CNTNAP5: variants seen among roughly 807,000 people sequenced by gnomAD.
CNTNAP5 encodes the protein contactin associated protein family member 5.
In CNTNAP5, 72 loss-of-function variants were observed where a neutral mutation model predicts 150.2. That is an observed-to-expected ratio of 0.48 (90% CI 0.40 to 0.58). The LOEUF (loss-of-function observed/expected upper bound fraction) is 0.58. CNTNAP5 is among the 20% of genes least tolerant of loss of function. The probability of loss-of-function intolerance (pLI) is 0.00; values close to 1 mark genes in which losing one functional copy is unlikely to be tolerated. For synonymous variants in CNTNAP5, 672 were observed against 619.8 expected (o/e 1.08, Z -1.25); for missense variants, 1,636 against 1,626.2 (o/e 1.01, Z -0.10).
intron 17 of CNTNAP5, among the ~76,000 whole-genome samples, chr2:124,786,110 G>A (rs28554032): frequency 0.12 from 18,582 of 151,270 alleles, 2,511 homozygotes; most frequent in African/African-American, 0.33. Flanking sequence ...AAATTTTAAC[G>A]AATTAGCTGG....
intron 12 of CNTNAP5, among the ~76,000 whole-genome samples, chr2:124,628,288 CA>C (rs778738262): frequency 1.3e-5 from 2 of 151,846 alleles, no homozygotes; most frequent in African/African-American, 4.8e-5. Flanking sequence ...TGAAATGAAG[CA>C]AAAAAATGTT....
intron 3 of CNTNAP5, among the ~76,000 whole-genome samples, chr2:124,353,099 C>T (rs1387478995): frequency 6.6e-6 from 1 of 152,106 alleles, no homozygotes; most frequent in Non-Finnish European, 1.5e-5. Context: ...CCCCAGCTGA[C>T]ATCTTGTGGA....
chr2:124,703,869 T>C (rs141283473), intron 13 of CNTNAP5, among the ~76,000 whole-genome samples: 65 of 152,250 alleles, frequency 4.3e-4, no homozygotes, highest in African/African-American at 1.6e-3. Context: ...GCCAAGTCAG[T>C]GAATGACACA....
At chr2:124,860,933 G>A (rs909816631) in intron 19 of CNTNAP5, among the ~76,000 whole-genome samples, 1 of 152,004 alleles carries the variant, frequency 6.6e-6, no homozygotes, top group Non-Finnish European at 1.5e-5. Flanking sequence ...TTTGGAACCG[G>A]CTGAATTTAG....
intron 1 of CNTNAP5, among the ~76,000 whole-genome samples, chr2:124,150,590 A>G (rs1684381791): frequency 6.6e-6 from 1 of 152,072 alleles, no homozygotes; most frequent in Non-Finnish European, 1.5e-5. Flanking sequence ...TCTAGTGAGG[A>G]CCCATTTCCT....
At position 124,806,326 on chromosome 2, in the gene CNTNAP5, T is replaced by C. The variant is rs147131786; in HGVS notation, c.3217+8006T>C. On this transcript the variant is annotated intron_variant, in intron 19 of 23. Coordinates refer to ENST00000682447, the MANE Select transcript of CNTNAP5 (RefSeq NM_001367498.1). ...GTTATAGGATGACAGTGGGGCCATA[T>C]TGGGGAAAGGGGGTAGCTCTTCCTG... Among the ~76,000 whole-genome samples the C allele has an allele frequency of 8.1e-3, 1,231 of 152,236 alleles. 6 individuals carry two copies. Among genetic ancestry groups the C allele is most frequent in the Non-Finnish European group, 0.013 (894 of 68,010 alleles).
Position 124,608,094 on chromosome 2 carries a change from G to C in CNTNAP5, c.1757-1707G>C, listed in dbSNP as rs538503636. Among the ~76,000 whole-genome samples the C allele has an allele frequency of 2.6e-5, 4 of 152,258 alleles. No homozygotes were observed. In the South Asian group the frequency reaches 6.2e-4, roughly 24 times the overall value. ...ATTATTTGAGCCACCCCTCACATTT[G>C]ATCATGACAAACTGCAGCTTCCTCT... On this transcript the variant is annotated intron_variant, in intron 11 of 23. Coordinates refer to ENST00000682447, the MANE Select transcript of CNTNAP5 (RefSeq NM_001367498.1).
intron 19 of CNTNAP5, among the ~76,000 whole-genome samples, chr2:124,809,435 GTCTC>G: frequency 6.6e-6 from 1 of 150,712 alleles, no homozygotes; most frequent in East Asian, 2.0e-4. Flanking sequence ...AAGAAACGGA[GTCTC>G]TCTCTCGCCC....
chr2:124,863,371 C>T (rs968901396), intron 19 of CNTNAP5, among the ~76,000 whole-genome samples: 4 of 152,214 alleles, frequency 2.6e-5, no homozygotes, highest in African/African-American at 9.6e-5. Context: ...CACAGTGACT[C>T]GCCCCTACCA....
At chr2:124,400,923 G>A (rs371104963) in intron 3 of CNTNAP5, among the ~76,000 whole-genome samples, 15 of 151,840 alleles carry the variant, frequency 9.9e-5, no homozygotes, top group African/African-American at 3.6e-4. Flanking sequence ...CCAGGCTGGA[G>A]CGCAGTTGCA....
intron 8 of CNTNAP5, among the ~76,000 whole-genome samples, chr2:124,522,452 C>G (rs868637951): frequency 2.0e-5 from 3 of 152,154 alleles, no homozygotes; most frequent in Non-Finnish European, 4.4e-5. Flanking sequence ...CTATCATTGG[C>G]TCTTGTGCTG....
At chr2:124,106,750 C>A (rs1390961002) in intron 1 of CNTNAP5, among the ~76,000 whole-genome samples, 1 of 152,156 alleles carries the variant, frequency 6.6e-6, no homozygotes, top group Admixed American at 6.5e-5. Flanking sequence ...TTTGTGGAAA[C>A]CCCCATATAT....
intron 3 of CNTNAP5, among the ~76,000 whole-genome samples, chr2:124,337,216 GTTGT>G (rs1198276762): frequency 1.1e-4 from 16 of 152,112 alleles, no homozygotes; most frequent in South Asian, 2.1e-4. Context: ...TGTTGATGGG[GTTGT>G]TTGTTTTTTC....
chr2:124,363,750 A>G (rs553467844), intron 3 of CNTNAP5, among the ~76,000 whole-genome samples: 88 of 152,334 alleles, frequency 5.8e-4, no homozygotes, highest in Middle Eastern at 6.8e-3. Context: ...CTTCGGAAGT[A>G]GGTGGATATG....
intron 1 of CNTNAP5, among the ~76,000 whole-genome samples, chr2:124,100,573 A>G (rs1309421266): frequency 6.6e-6 from 1 of 152,166 alleles, no homozygotes; most frequent in African/African-American, 2.4e-5. Context: ...CCTTAAGAAT[A>G]AAGTAAAGTT....
chr2:124,297,572 A>G (rs1688466909), intron 3 of CNTNAP5, among the ~76,000 whole-genome samples: 1 of 151,872 alleles, frequency 6.6e-6, no homozygotes, highest in Non-Finnish European at 1.5e-5. Flanking sequence ...TCCCTCATAT[A>G]TACAATCTTT....
intron 11 of CNTNAP5, among the ~76,000 whole-genome samples, chr2:124,606,551 T>C (rs962164167): frequency 2.6e-5 from 4 of 152,056 alleles, no homozygotes; most frequent in Admixed American, 2.6e-4. Flanking sequence ...ATACAAAAAC[T>C]GTATTAGTCC....
intron 1 of CNTNAP5, among the ~76,000 whole-genome samples, chr2:124,112,659 C>T (rs1683325144): frequency 6.6e-6 from 1 of 152,108 alleles, no homozygotes; most frequent in Non-Finnish European, 1.5e-5. Flanking sequence ...AGGCACCAAT[C>T]ATGTTGAGAA....
intron 1 of CNTNAP5, among the ~76,000 whole-genome samples, chr2:124,113,470 C>T (rs79870121): frequency 0.017 from 2,617 of 150,318 alleles, 79 homozygotes; most frequent in African/African-American, 0.059. Context: ...ATTTGAATGT[C>T]TATATTGTAT....
Sources: gnomAD v4.1 joint callset for allele counts (sites outside exome capture counted in the v4.1 genomes callset) on GRCh38, gnomAD v4.1.1 for gene constraint, MANE v1.5 for transcripts, NCBI Gene and HGNC (gene_info 2026-07-23, HGNC 2026-07-21) for gene names.